PCNT: variants seen among roughly 807,000 people sequenced by gnomAD.
PCNT encodes the protein pericentrin.
In PCNT, 319 loss-of-function variants were observed where a neutral mutation model predicts 380.4. That is an observed-to-expected ratio of 0.84 (90% CI 0.77 to 0.92). The LOEUF is 0.92. Among genes scored for constraint, PCNT ranks in the 40% least tolerant of loss-of-function variants. PCNT has a pLI of 0.00. For missense variants in PCNT, 4,400 were observed against 4,255.3 expected (o/e 1.03, Z -0.95); for synonymous variants, 1,845 against 1,735.2 (o/e 1.06, Z -1.57).
chr21:46,442,907 TA>T (rs1278017826), intron 44 of PCNT: 2 of 368,820 alleles, frequency 5.4e-6, no homozygotes, highest in South Asian at 2.4e-5. Flanking sequence ...TCTTTCCTTG[TA>T]GAGCATCATG....
In PCNT at chr21:46,334,451, C is replaced by G; in HGVS notation, c.322C>G (p.Gln108Glu). Residue 108 changes from glutamine (Q) to glutamate (E), a missense_variant, in exon 3 of 47, where the codon CAA (glutamine) becomes GAA (glutamate). Physicochemically the swap from Gln to Glu is conservative, Grantham distance 29. Coordinates refer to ENST00000359568, the MANE Select transcript of PCNT (RefSeq NM_006031.6). The part of the protein sequence containing the change: ...REDLEQLQQK[Q>E]VNDHPPEQCG... ...GGACTTGGAACAGCTGCAGCAGAAGCAAGTCAATGACCATCCTCCAGAGCA... is the reference window on the plus strand; with the variant it reads ...GGACTTGGAACAGCTGCAGCAGAAGGAAGTCAATGACCATCCTCCAGAGCA... 1 of 1,614,212 alleles carries G rather than the reference C, an allele frequency of 6.2e-7. No individual in the cohort carries two copies.
chr21:46,431,380 AAAAT>A, intron 37 of PCNT, 145 bp from the exon 38 acceptor site: 1 of 1,478,500 alleles, frequency 6.8e-7, no homozygotes, highest in East Asian at 2.4e-5. Context: ...AACTAACAAA[AAAAT>A]GTTGTCCCTA....
In PCNT at chr21:46,411,172, A is replaced by T. The variant is rs765541632; in HGVS notation, c.5116-17A>T. The stretch of plus-strand genomic sequence containing the variant: ...TGGATACATTTAATTTGCCTCTGAA[A>T]TGTCCTCTCTCTTCAGGTCATATAT... On this transcript the variant is annotated splice_polypyrimidine_tract_variant and intron_variant, in intron 27 of 46. Coordinates refer to ENST00000359568, the MANE Select transcript of PCNT (RefSeq NM_006031.6). 1.5e-5 allele frequency: 25 copies of T among 1,612,946 alleles called. No individual in the cohort carries two copies. The highest frequency in any genetic ancestry group is 2.1e-5 in the Non-Finnish European group (25 of 1,179,334).
At position 46,358,040 on chromosome 21, in the gene PCNT, G is replaced by A. The variant is rs1397288106; in HGVS notation, c.2154+849G>A. Among the ~76,000 whole-genome samples, 5 of 152,216 alleles carry A rather than the reference G, an allele frequency of 3.3e-5. No individual in the cohort carries two copies. In the South Asian group the frequency reaches 8.3e-4, roughly 25 times the overall value. ...CAGGGCAGCTCAGGGTCCATCCCAT[G>A]CTGGAGCAGTGGATTTCAAGTGAGC... On this transcript the variant is annotated intron_variant, in intron 13 of 46. Transcript: ENST00000359568.
At position 46,430,004 on chromosome 21, in the gene PCNT, T is replaced by C; in HGVS notation, c.7691-6T>C. The C allele has an allele frequency of 6.2e-7, 1 of 1,613,434 alleles. No individual in the cohort carries two copies. Among genetic ancestry groups the C allele is most frequent in the Non-Finnish European group, 8.5e-7 (1 of 1,179,336 alleles). On this transcript the variant is annotated splice_polypyrimidine_tract_variant and splice_region_variant and intron_variant, in intron 35 of 46. Coordinates refer to ENST00000359568, the MANE Select transcript of PCNT (RefSeq NM_006031.6). ...GGGCCTGTTACTGTTCTTTTGTCTT[T>C]CTCAGTTGAACTGCTGGCTTATAAA...
rs118131193 is a variant in PCNT at position 46,341,172 on chromosome 21, C to T, written c.640-4956C>T. On this transcript the variant is annotated intron_variant, in intron 3 of 46. Transcript: ENST00000359568. ...TGAGGGGGTTACAGGCATGAGTCACCGCGCCTGGCCAGCCCATCCACTTTG... is the reference window on the plus strand; with the variant it reads ...TGAGGGGGTTACAGGCATGAGTCACTGCGCCTGGCCAGCCCATCCACTTTG... 7.3e-3 allele frequency among the ~76,000 whole-genome samples: 1,104 copies of T among 152,260 alleles called. 30 individuals are homozygous for T. The highest frequency in any genetic ancestry group is 0.042 in the East Asian group (215 of 5,172).
intron 6 of PCNT, 41 bp downstream of exon 6, chr21:46,347,553 T>C: frequency 6.3e-7 from 1 of 1,593,200 alleles, no homozygotes; most frequent in Non-Finnish European, 8.6e-7. Flanking sequence ...TCTGTGTATG[T>C]TGTTTTTCCT....
rs534189262 is a variant in PCNT, at chr21:46,386,594, A to G, written c.3464+611A>G. Among the ~76,000 whole-genome samples, 7 of 152,252 alleles carry G rather than the reference A, an allele frequency of 4.6e-5. No homozygotes were observed. The East Asian group carries it at 7.8e-4, about 17-fold the overall frequency. ...CCGTGGGGCCGCCTTCCCTGAACGCATGGGTCCAGGCCACATCCTGCCTTG... is the reference window on the plus strand; with the variant it reads ...CCGTGGGGCCGCCTTCCCTGAACGCGTGGGTCCAGGCCACATCCTGCCTTG... On this transcript the variant is annotated intron_variant, in intron 17 of 46. Coordinates refer to ENST00000359568, the MANE Select transcript of PCNT (RefSeq NM_006031.6).
chr21:46,438,862 G>C (rs1353017840), intron 41 of PCNT, among the ~76,000 whole-genome samples: 1 of 151,698 alleles, frequency 6.6e-6, no homozygotes, highest in Non-Finnish European at 1.5e-5. Context: ...TAGTAGAGAT[G>C]GGGTTTTGCC....
intron 1 of PCNT, chr21:46,325,014 T>TGGCGCCG: frequency 6.1e-6 from 6 of 985,262 alleles, no homozygotes; most frequent in Non-Finnish European, 7.2e-6. Flanking sequence ...CACGCGGCGC[T>TGGCGCCG]GGCGCCGGGC....
At chr21:46,360,390 GTT>G (rs34067249) in intron 13 of PCNT, among the ~76,000 whole-genome samples, 2 of 143,210 alleles carry the variant, frequency 1.4e-5, no homozygotes, top group Non-Finnish European at 1.5e-5. Context: ...CGCCTGGCTA[GTT>G]TTTTTTTTAC....
chr21:46,390,138 G>GC (rs1233896757), intron 19 of PCNT, among the ~76,000 whole-genome samples: 2 of 152,348 alleles, frequency 1.3e-5, no homozygotes, highest in South Asian at 2.1e-4. Flanking sequence ...GCCAGCCTGG[G>GC]CAACATAGCG....
At position 46,334,478 on chromosome 21, in the gene PCNT, T is replaced by C. The variant is rs910342423; in HGVS notation, c.349T>C (p.Cys117Arg). The part of the protein sequence containing the change: ...KQVNDHPPEQ[C>R]GMFTVSDHPP... ...AGTCAATGACCATCCTCCAGAGCAG[T>C]GTGGGATGTTCACAGTCAGTGACCA... The change falls in exon 3 of 47, where the codon TGT becomes CGT. Residue 117 changes from cysteine (C) to arginine (R), a missense_variant. Cys to Arg is a radical substitution (Grantham distance 180). Coordinates refer to ENST00000359568, the MANE Select transcript of PCNT (RefSeq NM_006031.6). 18 of 1,613,970 alleles carry C rather than the reference T, an allele frequency of 1.1e-5. No individual in the cohort carries two copies. Among genetic ancestry groups the C allele is most frequent in the Middle Eastern group, 1.6e-4 (1 of 6,082 alleles).
chr21:46,356,504 G>C (rs545445480), intron 12 of PCNT, among the ~76,000 whole-genome samples: 1 of 152,368 alleles, frequency 6.6e-6, no homozygotes, highest in Admixed American at 6.5e-5. Flanking sequence ...TGGGCCAGTG[G>C]GGGTAGCGTG....
intron 41 of PCNT, among the ~76,000 whole-genome samples, chr21:46,438,989 A>T (rs908161061): frequency 6.6e-6 from 1 of 152,070 alleles, no homozygotes; most frequent in African/African-American, 2.4e-5. Context: ...TATAATTTTC[A>T]TAATGGTATA....
At chr21:46,341,598 C>G (rs1411157820) in intron 3 of PCNT, among the ~76,000 whole-genome samples, 1 of 151,990 alleles carries the variant, frequency 6.6e-6, no homozygotes, top group Non-Finnish European at 1.5e-5. Context: ...AACTGCTGGT[C>G]TCAAGCCATT....
rs200426591 is a variant in PCNT, at chr21:46,411,783, G to T, written c.5710G>T (p.Ala1904Ser). Reference sequence around the variant, plus strand: ...GTTGGCCTTGGCCCGCATCCGCCGCGCCCTGGAGCAGCAGCCCCTGGCAGC... The same window carrying T: ...GTTGGCCTTGGCCCGCATCCGCCGCTCCCTGGAGCAGCAGCCCCTGGCAGC... ...VLLALARIRR[A>S]LEQQPLAAGA... The change falls in exon 28 of 47, where the codon GCC becomes TCC. Residue 1904 changes from alanine (A) to serine (S), a missense_variant. Ala to Ser is a moderately conservative substitution (Grantham distance 99). Coordinates refer to ENST00000359568, the MANE Select transcript of PCNT (RefSeq NM_006031.6). 6.2e-7 allele frequency: 1 copy of T among 1,602,812 alleles called. No individual in the cohort carries two copies. Among genetic ancestry groups the T allele is most frequent in the Non-Finnish European group, 8.5e-7 (1 of 1,177,208 alleles).
intron 11 of PCNT, among the ~76,000 whole-genome samples, 169 bp downstream of exon 11, chr21:46,354,237 C>G (rs557409226): frequency 6.6e-6 from 1 of 152,178 alleles, no homozygotes; most frequent in Non-Finnish European, 1.5e-5. Flanking sequence ...GTGGGCCTCA[C>G]CATGCACTGT....
Position 46,412,923 on chromosome 21 carries a change from G to A in PCNT, c.6081G>A (p.Gln2027=). The change falls in exon 29 of 47, where the codon CAG becomes CAA. Residue 2027 remains glutamine, a synonymous_variant. Coordinates refer to ENST00000359568, the MANE Select transcript of PCNT (RefSeq NM_006031.6). The part of the protein sequence containing the change: ...EGVMSVLTVC[Q]RQLQSELLLV... The stretch of plus-strand genomic sequence containing the variant: ...TGATGTCAGTGCTCACCGTCTGCCA[G>A]AGGCAGCTGCAGTCGGAGCTGCTCT... 1 of 1,612,582 alleles carries A rather than the reference G, an allele frequency of 6.2e-7. No homozygotes were observed. Among genetic ancestry groups the A allele is most frequent in the African/African-American group, 1.3e-5 (1 of 75,078 alleles).
Sources: allele counts gnomAD v4.1 joint callset (sites outside exome capture counted in the v4.1 genomes callset), GRCh38; gene constraint gnomAD v4.1.1; transcripts MANE v1.5; gene names NCBI Gene and HGNC (gene_info 2026-07-23, HGNC 2026-07-21).